The following NINL variants were observed in gnomAD, a reference collection of about 807,000 sequenced individuals.
The protein encoded by NINL is ninein-like protein.
Under a neutral mutation model 160.3 loss-of-function variants are expected in NINL, and 153 were observed. The observed-to-expected ratio is 0.95, with a 90% confidence interval of 0.84 to 1.09. The LOEUF is 1.09. NINL is among the 50% of genes least tolerant of loss of function. NINL has a pLI of 0.00. For missense variants in NINL, 1,829 were observed against 1,764.0 expected (o/e 1.04, Z -0.66); for synonymous variants, 800 against 734.8 (o/e 1.09, Z -1.43).
At chr20:25,458,324 G>A in intron 22 of NINL, 59 bp downstream of exon 22, 1 of 1,595,236 alleles carries the variant, frequency 6.3e-7, no homozygotes, top group Non-Finnish European at 8.5e-7. Context: ...GAGGACCGGT[G>A]GGCCCGCCTC....
intron 2 of NINL, among the ~76,000 whole-genome samples, chr20:25,522,240 T>C (rs544718100): frequency 6.6e-6 from 1 of 152,326 alleles, no homozygotes; most frequent in South Asian, 2.1e-4. Context: ...AATTTCTCAC[T>C]GATTTATTTG....
chr20:25,581,698 T>C (rs1384034449), intron 1 of NINL, among the ~76,000 whole-genome samples: 1 of 152,114 alleles, frequency 6.6e-6, no homozygotes, highest in Non-Finnish European at 1.5e-5. Flanking sequence ...AATGAGAAAA[T>C]AGCAAGCCTT....
intron 1 of NINL, among the ~76,000 whole-genome samples, chr20:25,557,412 T>C (rs149238889): frequency 6.6e-6 from 1 of 152,204 alleles, no homozygotes; most frequent in East Asian, 1.9e-4. Context: ...ATGCCTGTAA[T>C]TCCAGCTACT....
At position 25,476,589 on chromosome 20, in the gene NINL, C is replaced by A. The variant is rs779611463; in HGVS notation, c.2702G>T (p.Gly901Val). ...PAPAPAPASHGPSERWSRMQP... is the reference protein window; with the variant it reads ...PAPAPAPASHVPSERWSRMQP... ...CATGCGTGACCACCTCTCTGAGGGG[C>A]CGTGGGATGCCGGGGCAGGGGCGGG... The change falls in exon 17 of 24, where the codon GGC (glycine) becomes GTC (valine). Residue 901 changes from glycine (G) to valine (V), a missense_variant. By Grantham distance (109) the Gly-to-Val change is moderately radical. Coordinates refer to ENST00000278886, the MANE Select transcript of NINL (RefSeq NM_025176.6). 6.3e-7 allele frequency: 1 copy of A among 1,598,670 alleles called. No individual in the cohort carries two copies. The highest frequency in any genetic ancestry group is 2.2e-5 in the East Asian group (1 of 44,822).
intron 10 of NINL, among the ~76,000 whole-genome samples, chr20:25,496,231 G>A (rs892890067): frequency 2.6e-5 from 4 of 152,174 alleles, no homozygotes; most frequent in South Asian, 4.2e-4. Context: ...TCCCCGCATC[G>A]GGGTCACTAC....
Position 25,534,833 on chromosome 20 carries a change from G to A in NINL, c.-11-8235C>T, listed in dbSNP as rs192320446. On this transcript the variant is annotated intron_variant, in intron 1 of 23. Transcript: ENST00000278886. Reference sequence around the variant, plus strand: ...GCCTATAACCTATGCATATCCTCCTGTATACTTTAAATCACCTCTAGATTA... The same window carrying A: ...GCCTATAACCTATGCATATCCTCCTATATACTTTAAATCACCTCTAGATTA... Among the ~76,000 whole-genome samples the A allele has an allele frequency of 2.0e-5, 3 of 152,244 alleles. No homozygotes were observed. The East Asian group carries it at 5.8e-4, about 29-fold the overall frequency.
intron 1 of NINL, among the ~76,000 whole-genome samples, chr20:25,537,697 C>T (rs2064583847): frequency 6.6e-6 from 1 of 152,166 alleles, no homozygotes; most frequent in Non-Finnish European, 1.5e-5. Flanking sequence ...AGGGACAGCC[C>T]TGGGCTGCTG....
chr20:25,501,106 A>C (rs2063859395), intron 7 of NINL, 96 bp from the exon 8 acceptor site: 1 of 1,451,546 alleles, frequency 6.9e-7, no homozygotes, highest in African/African-American at 1.4e-5. Context: ...CTGTGCTCAG[A>C]GGGCCTCACA....
chr20:25,494,532 C>T (rs1761945654), intron 10 of NINL, among the ~76,000 whole-genome samples: 1 of 152,218 alleles, frequency 6.6e-6, no homozygotes, highest in Non-Finnish European at 1.5e-5. Context: ...CATGTAGAGG[C>T]ACATGTAGAT....
chr20:25,585,286 A>G (rs1235501789), intron 1 of NINL, among the ~76,000 whole-genome samples, 169 bp downstream of exon 1: 1 of 152,172 alleles, frequency 6.6e-6, no homozygotes, highest in Non-Finnish European at 1.5e-5. Flanking sequence ...AAGAGCAGGC[A>G]CCACAGCAGA....
At chr20:25,522,668 G>C (rs2146942142) in intron 2 of NINL, among the ~76,000 whole-genome samples, 1 of 152,272 alleles carries the variant, frequency 6.6e-6, no homozygotes. Context: ...TTGTGTTGTT[G>C]GTAATAATTG....
At position 25,484,374 on chromosome 20, in the gene NINL, T is replaced by C. The variant is rs73335323; in HGVS notation, c.1678-2274A>G. Among the ~76,000 whole-genome samples, 996 of 152,182 alleles carry C rather than the reference T, an allele frequency of 6.5e-3. 16 individuals carry two copies. The highest frequency in any genetic ancestry group is 0.023 in the African/African-American group (951 of 41,530). On this transcript the variant is annotated intron_variant, in intron 13 of 23. Transcript: ENST00000278886. The stretch of plus-strand genomic sequence containing the variant: ...GCGAGCAGCATGCCAGGCACCCAGA[T>C]CCTGTCTCTAAAACCATTCCCTCAG...
At chr20:25,523,681 C>T (rs1027461808) in intron 2 of NINL, among the ~76,000 whole-genome samples, 7 of 151,272 alleles carry the variant, frequency 4.6e-5, no homozygotes, top group Non-Finnish European at 7.4e-5. Context: ...CTTGCTCTGT[C>T]GCCCAGGCTG....
chr20:25,539,092 G>A (rs1208751781), intron 1 of NINL, among the ~76,000 whole-genome samples: 2 of 152,198 alleles, frequency 1.3e-5, no homozygotes, highest in African/African-American at 4.8e-5. Flanking sequence ...CAGCTCCCTG[G>A]CAAGAGTGCT....
intron 1 of NINL, chr20:25,539,890 C>A (rs1013842563): frequency 4.1e-5 from 17 of 416,192 alleles, no homozygotes; most frequent in Non-Finnish European, 7.4e-5. Context: ...TCCCTGAACT[C>A]TCAGGACCAA....
intron 8 of NINL, 119 bp from the exon 9 acceptor site, chr20:25,498,465 C>T (rs145780478): frequency 1.5e-6 from 2 of 1,320,896 alleles, no homozygotes; most frequent in Non-Finnish European, 2.1e-6. Flanking sequence ...CAGCACCTGC[C>T]CCTCCTGTCT....
At chr20:25,485,835 T>C (rs2063495037) in intron 13 of NINL, among the ~76,000 whole-genome samples, 1 of 152,246 alleles carries the variant, frequency 6.6e-6, no homozygotes, top group South Asian at 2.1e-4. Flanking sequence ...CAGTGTTCTG[T>C]CCAGGGCCAG....
chr20:25,561,870 C>T (rs1181414381), intron 1 of NINL, among the ~76,000 whole-genome samples: 4 of 151,424 alleles, frequency 2.6e-5, no homozygotes, highest in Non-Finnish European at 4.4e-5. Context: ...GGAGCGTCTC[C>T]GCCCAGCAGC....
intron 2 of NINL, among the ~76,000 whole-genome samples, chr20:25,518,187 G>A (rs540638372): frequency 1.1e-4 from 17 of 152,330 alleles, no homozygotes; most frequent in African/African-American, 3.1e-4. Context: ...TGCAGAAGGC[G>A]TCTCCGCCAC....
Sources: gnomAD v4.1 joint callset for allele counts (sites outside exome capture counted in the v4.1 genomes callset) on GRCh38, gnomAD v4.1.1 for gene constraint, MANE v1.5 for transcripts, NCBI Gene and HGNC (gene_info 2026-07-23, HGNC 2026-07-21) for gene names.